The following PECAM1 variants were observed in gnomAD, a reference collection of about 807,000 sequenced individuals.
PECAM1 encodes platelet and endothelial cell adhesion molecule 1.
In PECAM1, 8 loss-of-function variants were observed where a neutral mutation model predicts 13.8. The ratio of observed to expected loss-of-function variants is 0.58; its 90% CI spans 0.34 to 1.05. The LOEUF (loss-of-function observed/expected upper bound fraction) is 1.05, where lower values mean the gene tolerates loss of function less well. Among genes scored for constraint, PECAM1 ranks in the 50% least tolerant of loss-of-function variants. The pLI is 0.03. For missense variants in PECAM1, 304 were observed against 141.2 expected (o/e 2.15, Z -5.84); for synonymous variants, 136 against 52.6 (o/e 2.58, Z -6.86).
chr17:64,376,168 G>A (rs2036353650), intron 3 of PECAM1, among the ~76,000 whole-genome samples: 1 of 151,706 alleles, frequency 6.6e-6, no homozygotes, highest in South Asian at 2.1e-4. Context: ...AGCCGGGCAT[G>A]GTGGCAGGCA....
intron 2 of PECAM1, among the ~76,000 whole-genome samples, chr17:64,386,465 C>A (rs2036596566): frequency 6.6e-6 from 1 of 150,552 alleles, no homozygotes; most frequent in African/African-American, 2.4e-5. Context: ...GTGATGGTTG[C>A]ACAACACCGT....
In PECAM1 at chr17:64,356,264, T is replaced by G. The variant is rs2035843608; in HGVS notation, c.1627A>C (p.Lys543Gln). The G allele has an allele frequency of 2.1e-6, 1 of 474,902 alleles. No homozygotes were observed. Among genetic ancestry groups the G allele is most frequent in the Non-Finnish European group, 3.9e-6 (1 of 259,030 alleles). 29.4% of individuals were successfully genotyped at this position (474,902 alleles called of 1,614,324 possible). A position where few individuals can be genotyped will look rare whatever the true frequency, so the allele number is the denominator to read the frequency against. ...TTTGAGGTCATTTGATAGAAGGGTT[T>G]GCCCTCTTTTTCTCTGTAAAACTTA... is the stretch of plus-strand genomic sequence containing the variant. ...TYKFYREKEG[K>Q]PFYQMTSNAT... The change falls in exon 8 of 16, where the codon AAA (lysine) becomes CAA (glutamine). Residue 543 changes from lysine to glutamine, a missense_variant. Coordinates refer to ENST00000563924, the MANE Select transcript of PECAM1 (RefSeq NM_000442.5).
At chr17:64,344,145 G>A (rs2035504806) in intron 13 of PECAM1, among the ~76,000 whole-genome samples, 1 of 151,992 alleles carries the variant, frequency 6.6e-6, no homozygotes, top group African/African-American at 2.4e-5. Flanking sequence ...GGCTGGGGCA[G>A]GTGAGGAATA....
chr17:64,378,172 T>C (rs2036403903), intron 2 of PECAM1, 55 bp from the exon 3 acceptor site: 2 of 443,662 alleles, frequency 4.5e-6, no homozygotes, highest in African/African-American at 4.0e-5. Context: ...AACAACATCA[T>C]CCCGGTGACC....
intron 2 of PECAM1, among the ~76,000 whole-genome samples, chr17:64,381,147 G>A (rs986067665): frequency 6.6e-6 from 1 of 152,202 alleles, no homozygotes; most frequent in Non-Finnish European, 1.5e-5. Flanking sequence ...ATGTTGATGA[G>A]ATATTGTCCC....
At chr17:64,328,369 T>C (rs908553811) in intron 15 of PECAM1, among the ~76,000 whole-genome samples, 12 of 152,228 alleles carry the variant, frequency 7.9e-5, no homozygotes, top group Admixed American at 3.3e-4. Context: ...GGAGTCTCTG[T>C]CGTGACAGAG....
At chr17:64,366,767 T>A (rs2036116080) in intron 5 of PECAM1, among the ~76,000 whole-genome samples, 1 of 132,032 alleles carries the variant, frequency 7.6e-6, no homozygotes, top group African/African-American at 2.9e-5. Flanking sequence ...AGGTGGGAAT[T>A]GAACAATGAG....
At chr17:64,336,419 G>C (rs1249912539) in intron 14 of PECAM1, among the ~76,000 whole-genome samples, 1 of 152,144 alleles carries the variant, frequency 6.6e-6, no homozygotes, top group African/African-American at 2.4e-5. Flanking sequence ...TGGCTCTTTG[G>C]AGAATCATCT....
chr17:64,360,488 C>T (rs1418340944), intron 6 of PECAM1, 73 bp from the exon 7 acceptor site: 11 of 447,824 alleles, frequency 2.5e-5, no homozygotes, highest in African/African-American at 2.2e-4. Flanking sequence ...GAGGTTCCTC[C>T]TCCAAAGCCT....
chr17:64,366,592 A>C (rs1181049268), intron 5 of PECAM1, among the ~76,000 whole-genome samples: 4 of 152,250 alleles, frequency 2.6e-5, no homozygotes, highest in South Asian at 4.1e-4. Context: ...CAACAATGAT[A>C]GACCAGATTA....
At position 64,370,182 on chromosome 17, in the gene PECAM1, GCT is replaced by G. The variant is rs1459792727; in HGVS notation, c.692-159_692-158del. On this transcript the variant is annotated intron_variant, in intron 4 of 15. Transcript: ENST00000563924. ...CTTCTCTAGAACTTTTGCCTTGGCTGCTCTCATACTCCCTCCCTTCTCGCTCA... is the reference window on the plus strand; with the variant it reads ...CTTCTCTAGAACTTTTGCCTTGGCTGCTCATACTCCCTCCCTTCTCGCTCA... 6.4e-4 allele frequency: 254 copies of G among 394,546 alleles called. 2 individuals are homozygous for G. Among genetic ancestry groups the G allele is most frequent in the African/African-American group, 4.1e-3 (200 of 48,630 alleles). The allele number at this position is 394,546 out of a possible 1,614,324, so 24.4% of individuals were successfully genotyped here. A position where few individuals can be genotyped will look rare whatever the true frequency, so the allele number is the denominator to read the frequency against.
At chr17:64,353,629 CTT>C (rs1469844652) in intron 9 of PECAM1, 111 bp from the exon 10 acceptor site, 1 of 410,146 alleles carries the variant, frequency 2.4e-6, no homozygotes, top group Non-Finnish European at 4.4e-6. Flanking sequence ...ATAGAAAACA[CTT>C]TTCTTTTCTT....
At chr17:64,351,641 G>A (rs2035726430) in intron 11 of PECAM1, among the ~76,000 whole-genome samples, 1 of 152,152 alleles carries the variant, frequency 6.6e-6, no homozygotes, top group South Asian at 2.1e-4. Flanking sequence ...CCTGAGCCTG[G>A]GAGGTAGAGG....
chr17:64,335,983 G>A (rs1169977410), intron 14 of PECAM1, among the ~76,000 whole-genome samples: 1 of 152,168 alleles, frequency 6.6e-6, no homozygotes, highest in Admixed American at 6.5e-5. Flanking sequence ...TGATGATCTG[G>A]CCGGGCGTGG....
chr17:64,323,021 T>C lies in PECAM1; in HGVS notation c.*795A>G. On this transcript the variant is annotated 3_prime_UTR_variant, in exon 16 of 16. Coordinates refer to ENST00000563924, the MANE Select transcript of PECAM1 (RefSeq NM_000442.5). ...CTTGCCTGCCCTGGCAAGGAATACATTTTTAAAAATTAGTAAGAAACATAC... is the reference window on the plus strand; with the variant it reads ...CTTGCCTGCCCTGGCAAGGAATACACTTTTAAAAATTAGTAAGAAACATAC... 1 of 983,864 alleles carries C rather than the reference T, an allele frequency of 1.0e-6. No individual in the cohort carries two copies. The highest frequency in any genetic ancestry group is 1.7e-5 in the African/African-American group (1 of 57,338). The allele number at this position is 983,864 out of a possible 1,614,324, so 60.9% of individuals were successfully genotyped here.
At chr17:64,325,462 A>G (rs184092033) in intron 15 of PECAM1, among the ~76,000 whole-genome samples, 1 of 150,846 alleles carries the variant, frequency 6.6e-6, no homozygotes, top group East Asian at 2.0e-4. Context: ...CTGGCTGGGC[A>G]TGGTAGCTCA....
intron 7 of PECAM1, among the ~76,000 whole-genome samples, chr17:64,356,691 C>T (rs916878204): frequency 1.3e-5 from 2 of 151,972 alleles, no homozygotes; most frequent in African/African-American, 4.8e-5. Flanking sequence ...GGGGTTTTGC[C>T]CTGTTGGCCA....
chr17:64,323,870 G>A (rs1217442727), intron 15 of PECAM1, 25 bp from the exon 16 acceptor site: 2 of 795,198 alleles, frequency 2.5e-6, no homozygotes, highest in South Asian at 2.7e-5. Flanking sequence ...AACAAGGCAA[G>A]TTATGATCAC....
chr17:64,353,819 CATG>C (rs2143785876), intron 9 of PECAM1, among the ~76,000 whole-genome samples: 1 of 152,116 alleles, frequency 6.6e-6, no homozygotes, highest in African/African-American at 2.4e-5. Context: ...TCCCCAGAAA[CATG>C]ATATCTTGAC....
Sources: allele counts gnomAD v4.1 joint callset (sites outside exome capture counted in the v4.1 genomes callset), GRCh38; gene constraint gnomAD v4.1.1; transcripts MANE v1.5; gene names NCBI Gene and HGNC (gene_info 2026-07-23, HGNC 2026-07-21).